The following LYRM4 variants were observed in gnomAD, a reference collection of about 807,000 sequenced individuals.
LYRM4 encodes the protein LYR motif-containing protein 4.
In LYRM4, 9 loss-of-function variants were observed where a neutral mutation model predicts 11.7. That is an observed-to-expected ratio of 0.77 (90% confidence interval 0.46 to 1.34). LYRM4 has a LOEUF of 1.34. Among genes scored for constraint, LYRM4 ranks in the 40% most tolerant of loss-of-function variants. The pLI, the probability that LYRM4 is intolerant of heterozygous loss-of-function variation, is 0.00. For synonymous variants in LYRM4, 42 were observed against 40.4 expected (o/e 1.04, Z -0.15); for missense variants, 133 against 112.5 (o/e 1.18, Z -0.82).
At chr6:5,150,548 C>T (rs1019037796) in intron 2 of LYRM4, among the ~76,000 whole-genome samples, 5 of 152,202 alleles carry the variant, frequency 3.3e-5, no homozygotes, top group Non-Finnish European at 7.3e-5. Context: ...GCCTAGTACA[C>T]AGTAGGCCCT....
Position 5,215,494 on chromosome 6 carries a change from T to C in LYRM4, c.207+1124A>G, listed in dbSNP as rs562797455. On this transcript the variant is annotated intron_variant, in intron 2 of 2. Transcript: ENST00000330636. ...AGGCCTGTCTGAGTGTGGCAGTTACTGTATTACTAAATAGCTGTAGAACTC... is the reference window on the plus strand; with the variant it reads ...AGGCCTGTCTGAGTGTGGCAGTTACCGTATTACTAAATAGCTGTAGAACTC... 2.0e-5 allele frequency among the ~76,000 whole-genome samples: 3 copies of C among 152,366 alleles called. No individual in the cohort carries two copies. In the South Asian group the frequency reaches 6.2e-4, roughly 32 times the overall value.
chr6:5,162,777 A>C (rs1365200932), intron 2 of LYRM4, among the ~76,000 whole-genome samples: 1 of 152,248 alleles, frequency 6.6e-6, no homozygotes, highest in Non-Finnish European at 1.5e-5. Context: ...ACTCTTTAAG[A>C]ACGTCATTAG....
At chr6:5,048,565 C>T in the LYRM4 span, among the ~76,000 whole-genome samples, 1 of 152,148 alleles carries the variant, frequency 6.6e-6, no homozygotes, top group African/African-American at 2.4e-5. Flanking sequence ...AACTACGTTG[C>T]CCAGGCTGGT....
the LYRM4 span, among the ~76,000 whole-genome samples, chr6:5,089,971 G>A: frequency 1.3e-5 from 2 of 150,594 alleles, no homozygotes; most frequent in South Asian, 2.1e-4. Context: ...AGGGCAATAC[G>A]ACCAGAGTGA....
rs111678064 is a variant in LYRM4, at chr6:5,120,521, C to G, written c.208-11030G>C. Among the ~76,000 whole-genome samples the G allele has an allele frequency of 5.9e-3, 893 of 152,222 alleles. 5 individuals carry two copies. The highest frequency in any genetic ancestry group is 0.021 in the African/African-American group (854 of 41,510). On this transcript the variant is annotated intron_variant, in intron 2 of 2. Transcript: ENST00000330636. ...CAGCAGCAAGATTTATTGTGGAGAG[C>G]GAAGGAACAAAGTCTCCACAGCGTG...
intron 1 of LYRM4, among the ~76,000 whole-genome samples, chr6:5,221,929 G>A (rs1203290197): frequency 1.3e-5 from 2 of 152,142 alleles, no homozygotes; most frequent in African/African-American, 2.4e-5. Context: ...CCCCAATCTT[G>A]GTTCAGGCTC....
At chr6:5,138,999 AAAG>A (rs1343773744) in intron 2 of LYRM4, among the ~76,000 whole-genome samples, 11 of 152,260 alleles carry the variant, frequency 7.2e-5, no homozygotes, top group Non-Finnish European at 1.5e-5. Flanking sequence ...TTTGATCTCA[AAAG>A]AAGAGTAATA....
At chr6:5,086,584 C>G in the LYRM4 span, 35,071 of 1,476,222 alleles carry the variant, frequency 0.024, 1,869 homozygotes, top group African/African-American at 0.21. Context: ...TTCGAAGAGC[C>G]GTGGGGCGGG....
At chr6:5,173,749 T>C (rs1759559217) in intron 2 of LYRM4, among the ~76,000 whole-genome samples, 1 of 152,232 alleles carries the variant, frequency 6.6e-6, no homozygotes, top group South Asian at 2.1e-4. Flanking sequence ...GGCTCATGTT[T>C]AAATATGTAT....
At chr6:5,165,575 C>G (rs1323746212) in intron 2 of LYRM4, among the ~76,000 whole-genome samples, 1 of 150,844 alleles carries the variant, frequency 6.6e-6, no homozygotes, top group Non-Finnish European at 1.5e-5. Context: ...CAGAATCTCA[C>G]TCTGTTGCCC....
chr6:5,076,348 T>C, the LYRM4 span, among the ~76,000 whole-genome samples: 1 of 152,088 alleles, frequency 6.6e-6, no homozygotes, highest in Non-Finnish European at 1.5e-5. Context: ...GGAAGGAAGG[T>C]AGACAGGGAG....
intron 1 of LYRM4, among the ~76,000 whole-genome samples, chr6:5,230,286 CAG>C (rs1763159416): frequency 6.6e-6 from 1 of 152,152 alleles, no homozygotes; most frequent in Non-Finnish European, 1.5e-5. Flanking sequence ...CTACTTTTGT[CAG>C]GGGAAAAAAC....
chr6:5,206,639 G>A (rs867863150), intron 2 of LYRM4, among the ~76,000 whole-genome samples: 1 of 152,150 alleles, frequency 6.6e-6, no homozygotes, highest in Non-Finnish European at 1.5e-5. Flanking sequence ...AGACTTTGAA[G>A]GGGAATCCTT....
intron 2 of LYRM4, among the ~76,000 whole-genome samples, chr6:5,123,879 A>T (rs1284046298): frequency 6.6e-6 from 1 of 152,192 alleles, no homozygotes; most frequent in African/African-American, 2.4e-5. Flanking sequence ...AGCATTCTGC[A>T]GGGGAGATGC....
intron 1 of LYRM4, among the ~76,000 whole-genome samples, chr6:5,243,241 A>T (rs1763991395): frequency 6.6e-6 from 1 of 152,200 alleles, no homozygotes; most frequent in South Asian, 2.1e-4. Context: ...TCACCGAGTC[A>T]GACAGTCAGG....
At chr6:5,213,513 C>CGTGAAGCTGGGATCCAT (rs1468854636) in intron 2 of LYRM4, among the ~76,000 whole-genome samples, 2 of 152,074 alleles carry the variant, frequency 1.3e-5, no homozygotes, top group Non-Finnish European at 2.9e-5. Context: ...CTGGTGGAAC[C>CGTGAAGCTGGGATCCAT]GTGAAGCTGG....
the LYRM4 span, among the ~76,000 whole-genome samples, chr6:5,072,398 C>A: frequency 6.6e-6 from 1 of 152,130 alleles, no homozygotes; most frequent in Admixed American, 6.6e-5. Context: ...TGAGGAATCG[C>A]CACACTGTCT....
intron 2 of LYRM4, among the ~76,000 whole-genome samples, chr6:5,156,825 A>G (rs1888147): frequency 0.75 from 113,444 of 152,112 alleles, 42,356 homozygotes; most frequent in East Asian, 0.89. Context: ...CTGCAAGGCA[A>G]TCCTGACTTC....
chr6:5,066,164 A>T, the LYRM4 span: 1 of 637,112 alleles, frequency 1.6e-6, no homozygotes, highest in Non-Finnish European at 3.0e-6. Context: ...TTTTGGGTGT[A>T]TACATCAAAT....
Sources: allele counts gnomAD v4.1 joint callset (sites outside exome capture counted in the v4.1 genomes callset), GRCh38; gene constraint gnomAD v4.1.1; transcripts MANE v1.5; gene names NCBI Gene and HGNC (gene_info 2026-07-23, HGNC 2026-07-21).